The following CAMTA1 variants were observed in gnomAD, a reference collection of about 807,000 sequenced individuals.
CAMTA1 encodes the protein calmodulin-binding transcription activator 1.
In CAMTA1, 27 loss-of-function variants were observed where a neutral mutation model predicts 170.9. The observed-to-expected ratio is 0.16, with a 90% CI of 0.12 to 0.22. CAMTA1 has a LOEUF of 0.22. Among genes scored for constraint, CAMTA1 ranks in the 10% least tolerant of loss-of-function variants. CAMTA1 has a pLI of 1.00. For synonymous variants in CAMTA1, 833 were observed against 891.5 expected, an observed-to-expected ratio of 0.93 and a Z score of 1.17; for missense variants, 1,619 against 2,217.2, an observed-to-expected ratio of 0.73 and a Z score of 5.42.
At chr1:7,489,982 A>G (rs2093678327) in intron 6 of CAMTA1, among the ~76,000 whole-genome samples, 1 of 152,128 alleles carries the variant, frequency 6.6e-6, no homozygotes, top group Non-Finnish European at 1.5e-5. Flanking sequence ...TCCCCGAGGA[A>G]ATGTTCCACG....
chr1:7,520,223 CT>C (rs2094344484), intron 6 of CAMTA1, among the ~76,000 whole-genome samples: 1 of 35,032 alleles, frequency 2.9e-5, no homozygotes, highest in Non-Finnish European at 5.1e-5. Flanking sequence ...CCTCCTCCTC[CT>C]CCTCCCTCCT....
At chr1:7,611,050 C>G (rs1236908056) in intron 6 of CAMTA1, among the ~76,000 whole-genome samples, 1 of 152,198 alleles carries the variant, frequency 6.6e-6, no homozygotes, top group Non-Finnish European at 1.5e-5. Flanking sequence ...CCTTGCCTCT[C>G]GAAGTGTCCA....
intron 5 of CAMTA1, among the ~76,000 whole-genome samples, chr1:7,408,605 C>G (rs1488808692): frequency 6.6e-6 from 1 of 152,230 alleles, no homozygotes; most frequent in Non-Finnish European, 1.5e-5. Context: ...CCCTGCTGAG[C>G]CACAGCTTCA....
chr1:7,499,351 T>C lies in CAMTA1; in HGVS notation c.510+31450T>C, dbSNP rs538465805. Among the ~76,000 whole-genome samples, 5 of 147,212 alleles carry C rather than the reference T, an allele frequency of 3.4e-5. No individual in the cohort carries two copies. The South Asian group carries it at 1.1e-3, about 33-fold the overall frequency. ...GTACATGTGTGTAGAGAGGATTGTGTGAGCCTGGTGTGCGTGTGTATGTAT... is the reference window on the plus strand; with the variant it reads ...GTACATGTGTGTAGAGAGGATTGTGCGAGCCTGGTGTGCGTGTGTATGTAT... On this transcript the variant is annotated intron_variant, in intron 6 of 22. Transcript: ENST00000303635.
chr1:7,066,415 CAG>C (rs1558048816), intron 3 of CAMTA1, among the ~76,000 whole-genome samples: 2 of 152,208 alleles, frequency 1.3e-5, no homozygotes, highest in Non-Finnish European at 2.9e-5. Flanking sequence ...GAAGTTGAGA[CAG>C]ATTTTTCTGG....
chr1:6,789,804 C>CTTTTTTTTTTTT (rs34542033), intron 1 of CAMTA1, among the ~76,000 whole-genome samples: 4 of 85,660 alleles, frequency 4.7e-5, no homozygotes, highest in Non-Finnish European at 6.4e-5. Flanking sequence ...TTTAGTGTAT[C>CTTTTTTTTTTTT]TTTTTTTTTT....
At chr1:7,408,667 A>G (rs971228555) in intron 5 of CAMTA1, among the ~76,000 whole-genome samples, 3 of 152,200 alleles carry the variant, frequency 2.0e-5, no homozygotes, top group African/African-American at 7.2e-5. Flanking sequence ...CATGGCTATC[A>G]GCTTCTGGGC....
At chr1:6,828,740 A>G (rs1275368335) in intron 3 of CAMTA1, among the ~76,000 whole-genome samples, 1 of 152,124 alleles carries the variant, frequency 6.6e-6, no homozygotes, top group Non-Finnish European at 1.5e-5. Context: ...TTTTTGGTCA[A>G]GAGAGCATAC....
chr1:7,079,562 C>G (rs1034244393), intron 3 of CAMTA1, among the ~76,000 whole-genome samples: 3 of 152,082 alleles, frequency 2.0e-5, no homozygotes, highest in Non-Finnish European at 4.4e-5. Context: ...ACCTCCACCT[C>G]CCAGGTTCAA....
chr1:7,617,828 G>A (rs1378113121), intron 6 of CAMTA1, among the ~76,000 whole-genome samples: 5 of 152,054 alleles, frequency 3.3e-5, no homozygotes, highest in Admixed American at 6.6e-5. Flanking sequence ...ATGGAGAATC[G>A]GGGTCCCCAA....
chr1:7,742,837 A>ATT (rs1332581656), intron 16 of CAMTA1, among the ~76,000 whole-genome samples: 1 of 151,598 alleles, frequency 6.6e-6, no homozygotes, highest in Non-Finnish European at 1.5e-5. Flanking sequence ...GAAAGCTGCA[A>ATT]TTTTTTTTTG....
intron 5 of CAMTA1, among the ~76,000 whole-genome samples, chr1:7,414,731 T>G (rs2091038286): frequency 6.6e-6 from 1 of 152,166 alleles, no homozygotes; most frequent in Non-Finnish European, 1.5e-5. Context: ...ATTAATTTTT[T>G]GAAGGGTTTT....
At position 7,251,136 on chromosome 1, in the gene CAMTA1, G is replaced by C. The variant is rs1247139000; in HGVS notation, c.438+1510G>C. Among the ~76,000 whole-genome samples the C allele has an allele frequency of 1.3e-5, 2 of 152,180 alleles. No homozygotes were observed. The highest frequency in any genetic ancestry group is 2.9e-5 in the Non-Finnish European group (2 of 68,030). On this transcript the variant is annotated intron_variant, in intron 5 of 22. Transcript: ENST00000303635. This position sits in a 1 kb window ranked among gnomAD's most constrained non-coding sequence, Gnocchi z 5.1. ...AGTCACGGCAGCTCCTGTGCCCGTA[G>C]GCCCCTGGTATATTTCATCTTTAGT...
intron 5 of CAMTA1, among the ~76,000 whole-genome samples, chr1:7,306,295 G>A (rs1013318649): frequency 6.6e-6 from 1 of 151,836 alleles, no homozygotes; most frequent in Admixed American, 6.6e-5. Flanking sequence ...GCTAACTTTT[G>A]TCTAATGTGT....
intron 6 of CAMTA1, among the ~76,000 whole-genome samples, chr1:7,514,985 G>T (rs2094260535): frequency 6.6e-6 from 1 of 152,122 alleles, no homozygotes; most frequent in Non-Finnish European, 1.5e-5. Context: ...CCTCCACCCA[G>T]GATCATCAGG....
intron 4 of CAMTA1, among the ~76,000 whole-genome samples, chr1:7,128,696 C>A (rs1645071125): frequency 1.3e-5 from 2 of 151,886 alleles, no homozygotes; most frequent in Non-Finnish European, 2.9e-5. Context: ...TTGCTGTCAC[C>A]CAGGCTGGAG....
At chr1:7,076,591 G>GT (rs1363982654) in intron 3 of CAMTA1, among the ~76,000 whole-genome samples, 1 of 152,162 alleles carries the variant, frequency 6.6e-6, no homozygotes, top group Admixed American at 6.5e-5. Flanking sequence ...TCAGTGGTCA[G>GT]TTTTTTTGAC....
intron 4 of CAMTA1, among the ~76,000 whole-genome samples, chr1:7,119,816 A>G (rs190356947): frequency 3.0e-4 from 46 of 152,336 alleles, no homozygotes; most frequent in African/African-American, 1.1e-3. Flanking sequence ...ATTAAGCCGT[A>G]CAGAAAATGA....
intron 6 of CAMTA1, among the ~76,000 whole-genome samples, chr1:7,620,001 A>C (rs771296988): frequency 6.6e-6 from 1 of 152,206 alleles, no homozygotes; most frequent in Non-Finnish European, 1.5e-5. Flanking sequence ...ATATGTACAC[A>C]AGCAAAAGTA....
Sources: gnomAD v4.1 joint callset for allele counts (sites outside exome capture counted in the v4.1 genomes callset) on GRCh38, gnomAD v4.1.1 for gene constraint, Gnocchi (gnomAD v3.1) non-coding constraint, MANE v1.5 for transcripts, NCBI Gene and HGNC (gene_info 2026-07-23, HGNC 2026-07-21) for gene names.